Variants in MAP1B observed in about 807,000 individuals in gnomAD.
The protein encoded by MAP1B is microtubule associated protein 1B.
In MAP1B, 12 loss-of-function variants were observed where a neutral mutation model predicts 176.1. That is an observed-to-expected ratio of 0.07 (90% CI 0.04 to 0.11). MAP1B has a LOEUF of 0.11. Among genes scored for constraint, MAP1B ranks in the 10% least tolerant of loss-of-function variants. MAP1B has a pLI of 1.00. For synonymous variants in MAP1B, 1,044 were observed against 1,135.0 expected, an observed-to-expected ratio of 0.92 and a Z score of 1.61; for missense variants, 2,523 against 2,990.5, an observed-to-expected ratio of 0.84 and a Z score of 3.65.
At chr5:72,118,157 T>G (rs1745465760) in intron 2 of MAP1B, among the ~76,000 whole-genome samples, 1 of 152,190 alleles carries the variant, frequency 6.6e-6, no homozygotes, top group Admixed American at 6.5e-5. Flanking sequence ...TAGCTGAACA[T>G]TTTCCTTTAG....
At chr5:72,180,247 C>T (rs1746738328) in intron 2 of MAP1B, among the ~76,000 whole-genome samples, 1 of 152,222 alleles carries the variant, frequency 6.6e-6, no homozygotes, top group Admixed American at 6.5e-5. Context: ...CTGCAGAATA[C>T]AGACGTGATG....
At chr5:72,203,502 C>A in intron 5 of MAP1B, 61 bp from the exon 6 acceptor site, 1 of 1,192,750 alleles carries the variant, frequency 8.4e-7, no homozygotes, top group South Asian at 1.3e-5. Flanking sequence ...GGAACATGTG[C>A]TGGATGTATG....
chr5:72,115,643 C>A, intron 1 of MAP1B, 55 bp from the exon 2 acceptor site: 1 of 976,642 alleles, frequency 1.0e-6, no homozygotes, highest in Non-Finnish European at 1.7e-6. Context: ...GTTGTCCAAA[C>A]CACTCTGAAA....
At position 72,177,580 on chromosome 5, in the gene MAP1B, G is replaced by A. The variant is rs141329838; in HGVS notation, c.287-6163G>A. The stretch of plus-strand genomic sequence containing the variant: ...ACTACAAAACTCTGCTGCTTCAGGC[G>A]TCTCCCCTCCTGCCTCACCAGCTCC... On this transcript the variant is annotated intron_variant, in intron 2 of 6. Transcript: ENST00000296755. Among the ~76,000 whole-genome samples the A allele has an allele frequency of 5.3e-3, 812 of 152,252 alleles. 7 individuals are homozygous for A. Among genetic ancestry groups the A allele is most frequent in the African/African-American group, 0.017 (727 of 41,544 alleles).
rs34160030 is a variant in MAP1B at position 72,199,585 on chromosome 5, G to C, written c.6230G>C (p.Arg2077Pro). Residue 2077 changes from arginine (R) to proline (P), a missense_variant, in exon 5 of 7, where the codon CGT becomes CCT. By Grantham distance (103) the Arg-to-Pro change is moderately radical. This residue lies in a region of MAP1B where 1,925 missense variants were observed against 2,126.0 expected (regional missense o/e 0.91). Coordinates refer to ENST00000296755, the MANE Select transcript of MAP1B (RefSeq NM_005909.5). The surrounding 1 kb of genome is among the most constrained non-coding windows in gnomAD (Gnocchi z 4.2). ...TAEKKSPSEA[R>P]QDVDLCLVSS... The stretch of plus-strand genomic sequence containing the variant: ...GAAAAGAAGTCCCCCTCAGAAGCCC[G>C]TCAGGATGTCGATTTATGCCTCGTG... 6.2e-7 allele frequency: 1 copy of C among 1,614,146 alleles called. No homozygotes were observed. The highest frequency in any genetic ancestry group is 1.1e-5 in the South Asian group (1 of 91,076).
In MAP1B at chr5:72,195,537, C is replaced by A; in HGVS notation, c.2182C>A (p.Pro728Thr). 1 of 1,589,090 alleles carries A rather than the reference C, an allele frequency of 6.3e-7. No individual in the cohort carries two copies. The highest frequency in any genetic ancestry group is 8.5e-7 in the Non-Finnish European group (1 of 1,174,094). Residue 728 changes from proline to threonine, a missense_variant, in exon 5 of 7, where the codon CCC becomes ACC. Physicochemically the swap from Pro to Thr is conservative, Grantham distance 38. Coordinates refer to ENST00000296755, the MANE Select transcript of MAP1B (RefSeq NM_005909.5). ...KKEVKKEEKE[P>T]KKEIKKLPKD... is the part of the protein sequence containing the mutation. ...GGAAGTGAAAAAGGAAGAAAAGGAACCCAAAAAAGAAATTAAGAAGCTCCC... is the reference window on the plus strand; with the variant it reads ...GGAAGTGAAAAAGGAAGAAAAGGAAACCAAAAAAGAAATTAAGAAGCTCCC...
At chr5:72,174,094 C>T (rs1746602462) in intron 2 of MAP1B, among the ~76,000 whole-genome samples, 1 of 152,174 alleles carries the variant, frequency 6.6e-6, no homozygotes, top group Admixed American at 6.5e-5. Flanking sequence ...TGTACCACTG[C>T]ACTCCAGCCT....
intron 1 of MAP1B, among the ~76,000 whole-genome samples, chr5:72,110,984 C>T (rs1745324238): frequency 6.6e-6 from 1 of 152,194 alleles, no homozygotes; most frequent in Admixed American, 6.5e-5. Context: ...GGACATGTCT[C>T]CTCCAGAGTT....
At chr5:72,190,373 A>G (rs555811678) in intron 4 of MAP1B, among the ~76,000 whole-genome samples, 11 of 152,224 alleles carry the variant, frequency 7.2e-5, no homozygotes, top group Non-Finnish European at 1.3e-4. Context: ...TGGCTTCATG[A>G]TAAATCCATT....
chr5:72,180,738 T>C (rs1746747084), intron 2 of MAP1B, among the ~76,000 whole-genome samples: 1 of 152,224 alleles, frequency 6.6e-6, no homozygotes, highest in South Asian at 2.1e-4. Flanking sequence ...TTTTAACTTC[T>C]TTTATGTGGG....
chr5:72,197,146 C>T lies in MAP1B; in HGVS notation c.3791C>T (p.Pro1264Leu). The T allele has an allele frequency of 6.2e-7, 1 of 1,614,232 alleles. No individual in the cohort carries two copies. Among genetic ancestry groups the T allele is most frequent in the Non-Finnish European group, 8.5e-7 (1 of 1,180,038 alleles). ...SKSPSLSPSPPSPLEKTPLGE... is the reference protein window; with the variant it reads ...SKSPSLSPSPLSPLEKTPLGE... Reference sequence around the variant, plus strand: ...AGCCCGTCCCTGAGTCCATCTCCACCATCACCCTTAGAAAAGACCCCCCTG... The same window carrying T: ...AGCCCGTCCCTGAGTCCATCTCCACTATCACCCTTAGAAAAGACCCCCCTG... Residue 1264 changes from proline to leucine, a missense_variant, in exon 5 of 7, where the codon CCA (proline) becomes CTA (leucine). This residue lies in a region of MAP1B where 1,925 missense variants were observed against 2,126.0 expected (regional missense o/e 0.91). Transcript: ENST00000296755.
chr5:72,181,915 G>A (rs572666292), intron 2 of MAP1B, among the ~76,000 whole-genome samples: 7 of 151,886 alleles, frequency 4.6e-5, no homozygotes, highest in East Asian at 3.9e-4. Flanking sequence ...TAGTAGAGAC[G>A]GGGTTTCATT....
intron 2 of MAP1B, among the ~76,000 whole-genome samples, chr5:72,127,741 C>T (rs181459324): frequency 3.9e-4 from 59 of 152,184 alleles, no homozygotes; most frequent in Admixed American, 4.6e-4. Context: ...ATGGATAATA[C>T]GTTTTGGTTA....
intron 2 of MAP1B, among the ~76,000 whole-genome samples, chr5:72,120,557 TG>T (rs1270056064): frequency 6.6e-6 from 1 of 152,030 alleles, no homozygotes; most frequent in Non-Finnish European, 1.5e-5. Flanking sequence ...CCCGAGTAGC[TG>T]GGACTACAGG....
At chr5:72,169,553 G>A (rs1328799802) in intron 2 of MAP1B, 1 of 154,318 alleles carries the variant, frequency 6.5e-6, no homozygotes, top group Non-Finnish European at 1.5e-5. Context: ...GAAGTGGAGT[G>A]AGTGTTTGTG....
chr5:72,132,502 A>G (rs1231584939), intron 2 of MAP1B, among the ~76,000 whole-genome samples: 1 of 152,140 alleles, frequency 6.6e-6, no homozygotes, highest in African/African-American at 2.4e-5. Flanking sequence ...ATTCTAGGAG[A>G]ACATTTCACA....
At position 72,195,914 on chromosome 5, in the gene MAP1B, C is replaced by T. The variant is rs770183883; in HGVS notation, c.2559C>T (p.Asp853=). The T allele has an allele frequency of 1.2e-6, 2 of 1,614,216 alleles. No homozygotes were observed. Among genetic ancestry groups the T allele is most frequent in the South Asian group, 1.1e-5 (1 of 91,084 alleles). ...LKAEEVDVTK[D]IKPQLELIED... is the part of the protein sequence containing the mutation. ...CTGAAGAGGTCGATGTAACAAAGGA[C>T]ATCAAGCCTCAGCTGGAGCTAATCG... is the stretch of plus-strand genomic sequence containing the variant. Residue 853 remains aspartate (D), a synonymous_variant, in exon 5 of 7, where the codon GAC becomes GAT. Coordinates refer to ENST00000296755, the MANE Select transcript of MAP1B (RefSeq NM_005909.5).
At chr5:72,202,167 C>A (rs1302091725) in intron 5 of MAP1B, among the ~76,000 whole-genome samples, 1 of 152,122 alleles carries the variant, frequency 6.6e-6, no homozygotes, top group Non-Finnish European at 1.5e-5. Context: ...TTAAAGCAAA[C>A]CTGGGCAGTT....
At chr5:72,179,756 C>T (rs919346507) in intron 2 of MAP1B, 1 of 985,326 alleles carries the variant, frequency 1.0e-6, no homozygotes, top group Non-Finnish European at 1.2e-6. Context: ...AAATCCGATC[C>T]TATAAAAAGG....
Sources: gnomAD v4.1 joint callset for allele counts (sites outside exome capture counted in the v4.1 genomes callset) on GRCh38, gnomAD v4.1.1 for gene constraint, gnomAD v4.1.1 regional missense constraint, Gnocchi (gnomAD v3.1) non-coding constraint, MANE v1.5 for transcripts, NCBI Gene and HGNC (gene_info 2026-07-23, HGNC 2026-07-21) for gene names.